Variants in ROBO2 observed in about 807,000 individuals in gnomAD.
ROBO2 encodes the protein roundabout guidance receptor 2, also known as roundabout homolog 2.
In ROBO2, 53 loss-of-function variants were observed where a neutral mutation model predicts 160.8. That is an observed-to-expected ratio of 0.33 (90% CI 0.26 to 0.41). The LOEUF is 0.41. ROBO2 is among the 10% of genes least tolerant of loss of function. The pLI is 1.00. For synonymous variants in ROBO2, 664 were observed against 611.7 expected (o/e 1.09, Z -1.26); for missense variants, 1,577 against 1,722.4 (o/e 0.92, Z 1.49).
chr3:76,059,598 G>C (rs113530916), intron 2 of ROBO2, among the ~76,000 whole-genome samples: 34 of 152,214 alleles, frequency 2.2e-4, no homozygotes, highest in East Asian at 7.7e-4. Flanking sequence ...CATTCTGTAA[G>C]TTGCCTGTTC....
At chr3:76,012,784 C>A (rs1320872558) in intron 2 of ROBO2, among the ~76,000 whole-genome samples, 1 of 151,864 alleles carries the variant, frequency 6.6e-6, no homozygotes, top group Non-Finnish European at 1.5e-5. Context: ...TGTATAAAGG[C>A]AATTGGTGAC....
intron 2 of ROBO2, among the ~76,000 whole-genome samples, chr3:76,544,303 A>G (rs966029089): frequency 6.6e-6 from 1 of 152,078 alleles, no homozygotes; most frequent in African/African-American, 2.4e-5. Context: ...TGATCTTTAA[A>G]GGTTGATTTC....
At chr3:77,291,251 G>A (rs546914597) in intron 2 of ROBO2, among the ~76,000 whole-genome samples, 1 of 151,882 alleles carries the variant, frequency 6.6e-6, no homozygotes, top group African/African-American at 2.4e-5. Context: ...AAAATTGACG[G>A]TTAAACGGGT....
At chr3:76,453,557 C>T (rs554689810) in intron 2 of ROBO2, among the ~76,000 whole-genome samples, 226 of 152,164 alleles carry the variant, frequency 1.5e-3, no homozygotes, top group African/African-American at 5.2e-3. Flanking sequence ...GGTACCAGTA[C>T]CATGCTGTTT....
At chr3:77,155,697 A>G (rs1306310545) in intron 2 of ROBO2, among the ~76,000 whole-genome samples, 5 of 152,038 alleles carry the variant, frequency 3.3e-5, no homozygotes, top group Non-Finnish European at 7.4e-5. Context: ...TCTGTTCTGG[A>G]TTCAGGTCTA....
At chr3:76,701,766 G>T (rs2093049162) in intron 2 of ROBO2, among the ~76,000 whole-genome samples, 1 of 151,434 alleles carries the variant, frequency 6.6e-6, no homozygotes, top group Non-Finnish European at 1.5e-5. Context: ...TGAATTGCAG[G>T]CATTTTCTTT....
intron 2 of ROBO2, among the ~76,000 whole-genome samples, chr3:77,358,165 A>T (rs2069404297): frequency 6.6e-6 from 1 of 152,182 alleles, no homozygotes; most frequent in Non-Finnish European, 1.5e-5. Flanking sequence ...GGAGTCTAGA[A>T]GTTTGAAATC....
At chr3:76,534,751 A>T (rs1259605462) in intron 2 of ROBO2, among the ~76,000 whole-genome samples, 1 of 152,064 alleles carries the variant, frequency 6.6e-6, no homozygotes, top group Non-Finnish European at 1.5e-5. Flanking sequence ...GAGTAAAGTC[A>T]ATTTGCCAAT....
At chr3:76,025,045 T>G (rs905429460) in intron 2 of ROBO2, among the ~76,000 whole-genome samples, 3 of 148,786 alleles carry the variant, frequency 2.0e-5, no homozygotes, top group South Asian at 4.2e-4. Flanking sequence ...TGAATTTTAT[T>G]TATTTCTATG....
chr3:77,300,590 GT>G (rs1296160653), intron 2 of ROBO2, among the ~76,000 whole-genome samples: 1 of 151,734 alleles, frequency 6.6e-6, no homozygotes, highest in Non-Finnish European at 1.5e-5. Flanking sequence ...AAAATAAATT[GT>G]TGATAAGAGG....
At chr3:76,156,704 G>A (rs1038430713) in intron 2 of ROBO2, among the ~76,000 whole-genome samples, 2 of 152,108 alleles carry the variant, frequency 1.3e-5, no homozygotes, top group South Asian at 2.1e-4. Flanking sequence ...GCAGTGGCTC[G>A]CGCCTGTAAT....
intron 2 of ROBO2, among the ~76,000 whole-genome samples, chr3:77,279,792 G>GTA (rs796725206): frequency 1.4e-4 from 21 of 152,118 alleles, no homozygotes; most frequent in African/African-American, 5.1e-4. Flanking sequence ...CTACCAAAGT[G>GTA]TATAATGTGT....
At chr3:76,466,834 T>C (rs1263763577) in intron 2 of ROBO2, among the ~76,000 whole-genome samples, 1 of 151,988 alleles carries the variant, frequency 6.6e-6, no homozygotes, top group Admixed American at 6.6e-5. Context: ...GCCACTAAAT[T>C]CATAGTATTG....
At chr3:76,165,132 A>G (rs1382209572) in intron 2 of ROBO2, among the ~76,000 whole-genome samples, 1 of 152,188 alleles carries the variant, frequency 6.6e-6, no homozygotes, top group East Asian at 1.9e-4. Context: ...TATCTATGAA[A>G]GTACTAGATG....
chr3:77,237,183 C>CTTTTTTTTTTTTTTTTT (rs34992972), intron 2 of ROBO2, among the ~76,000 whole-genome samples: 1 of 107,114 alleles, frequency 9.3e-6, no homozygotes, highest in Non-Finnish European at 1.8e-5. Flanking sequence ...CTTGACCTTT[C>CTTTTTTTTTTTTTTTTT]TTTTTTTTTT....
Position 77,461,537 on chromosome 3 carries a change from CT to C in ROBO2, c.389-15874del, listed in dbSNP as rs200789622. Among the ~76,000 whole-genome samples the C allele has an allele frequency of 2.0e-3, 303 of 151,982 alleles. 7 individuals carry two copies. The East Asian group carries it at 0.05, about 25-fold the overall frequency. Reference sequence around the variant, plus strand: ...ATACATAGATATATTCTTCATCACACTTTAAAAACATTAATGATATTTTTGT... The same window carrying C: ...ATACATAGATATATTCTTCATCACACTTAAAAACATTAATGATATTTTTGT... On this transcript the variant is annotated intron_variant, in intron 2 of 25. Coordinates refer to ENST00000461745, the Ensembl canonical transcript of ROBO2.
intron 2 of ROBO2, among the ~76,000 whole-genome samples, chr3:76,469,285 C>A (rs2078525138): frequency 6.6e-6 from 1 of 152,038 alleles, no homozygotes; most frequent in Non-Finnish European, 1.5e-5. Context: ...TTATTGACTA[C>A]TTAGCATATG....
intron 2 of ROBO2, among the ~76,000 whole-genome samples, chr3:77,333,481 A>G (rs775331297): frequency 6.6e-6 from 1 of 152,216 alleles, no homozygotes; most frequent in Non-Finnish European, 1.5e-5. Flanking sequence ...ATATATGCCT[A>G]TATTTTTGTT....
intron 2 of ROBO2, among the ~76,000 whole-genome samples, chr3:77,102,302 GC>G (rs2072067883): frequency 6.8e-6 from 1 of 147,416 alleles, no homozygotes; most frequent in African/African-American, 2.5e-5. Flanking sequence ...TGTGTGTGTT[GC>G]GTGGGTGGGT....
Sources: allele counts gnomAD v4.1 joint callset (sites outside exome capture counted in the v4.1 genomes callset), GRCh38; gene constraint gnomAD v4.1.1; transcripts MANE v1.5; gene names NCBI Gene and HGNC (gene_info 2026-07-23, HGNC 2026-07-21).